Variants in ING4 observed in about 807,000 individuals in gnomAD.
ING4 encodes the protein inhibitor of growth protein 4.
In ING4, 28 loss-of-function variants were observed where a neutral mutation model predicts 33.1. That is an observed-to-expected ratio of 0.85 (90% CI 0.63 to 1.16). The LOEUF (loss-of-function observed/expected upper bound fraction) is 1.16. Ranked by LOEUF, ING4 falls within the 50% of genes most tolerant of loss-of-function variation. ING4 has a pLI of 0.00. For synonymous variants in ING4, 87 were observed against 104.4 expected (o/e 0.83, Z 1.02); for missense variants, 247 against 314.7 (o/e 0.78, Z 1.63).
At chr12:6,660,283 G>C (rs1392034762) in intron 1 of ING4, among the ~76,000 whole-genome samples, 6 of 151,844 alleles carry the variant, frequency 4.0e-5, no homozygotes, top group Non-Finnish European at 1.5e-5. Context: ...AATATGGCCA[G>C]ATCCTGTCTC....
intron 2 of ING4, chr12:6,656,038 T>C (rs1949341442): frequency 4.9e-6 from 2 of 405,696 alleles, no homozygotes; most frequent in Admixed American, 5.8e-5. Flanking sequence ...CAACATATGT[T>C]GCAGTCTAAA....
At chr12:6,655,970 C>G (rs1327018025) in intron 2 of ING4, 22 of 449,868 alleles carry the variant, frequency 4.9e-5, no homozygotes, top group Non-Finnish European at 8.9e-5. Context: ...TTTTTCTTTC[C>G]TCTTTCTTTT....
In ING4 at chr12:6,650,636, TGA is replaced by T; in HGVS notation, c.*557_*558del. The T allele has an allele frequency of 6.4e-6, 1 of 156,118 alleles. No individual in the cohort carries two copies. The highest frequency in any genetic ancestry group is 2.4e-5 in the African/African-American group (1 of 41,604). 9.7% of individuals were successfully genotyped at this position (156,118 alleles called of 1,614,324 possible). Reference sequence around the variant, plus strand: ...TACCTACCCAAGTTCCTTTTACATGTGAGTTATCTGCATTCCACCTTGCCCCC... The same window carrying T: ...TACCTACCCAAGTTCCTTTTACATGTGTTATCTGCATTCCACCTTGCCCCC... On this transcript the variant is annotated 3_prime_UTR_variant, in exon 8 of 8. Transcript: ENST00000341550.
At chr12:6,658,988 C>T (rs1949460242) in intron 1 of ING4, among the ~76,000 whole-genome samples, 1 of 152,196 alleles carries the variant, frequency 6.6e-6, no homozygotes, top group Non-Finnish European at 1.5e-5. Flanking sequence ...CCACCCCATC[C>T]CTCTTGGCCT....
At chr12:6,652,177 G>C in intron 6 of ING4, 94 bp downstream of exon 6, 4 of 1,401,342 alleles carry the variant, frequency 2.9e-6, no homozygotes, top group Non-Finnish European at 3.9e-6. Flanking sequence ...CTTCTATTCT[G>C]AAGTCCCAGT....
intron 1 of ING4, among the ~76,000 whole-genome samples, chr12:6,662,755 GA>G (rs1345125935): frequency 6.6e-6 from 1 of 151,952 alleles, no homozygotes; most frequent in Non-Finnish European, 1.5e-5. Flanking sequence ...CGACTATGGG[GA>G]AAAAAATCTA....
intron 1 of ING4, among the ~76,000 whole-genome samples, chr12:6,661,056 T>A (rs1380980712): frequency 8.6e-5 from 13 of 150,622 alleles, no homozygotes; most frequent in Non-Finnish European, 8.9e-5. Context: ...AGCCTCCCAA[T>A]GTGCTAGGAT....
rs769037284 is a variant in ING4 at position 6,651,164 on chromosome 12, A to G, written c.*31T>C. On this transcript the variant is annotated 3_prime_UTR_variant, in exon 8 of 8. Transcript: ENST00000341550. ...CACTAGCCCAAGTCAGGGGATGTGGAAGAAACTGTGTTGGAATCCAAGGCC... is the reference window on the plus strand; with the variant it reads ...CACTAGCCCAAGTCAGGGGATGTGGGAGAAACTGTGTTGGAATCCAAGGCC... 9 of 1,613,396 alleles carry G rather than the reference A, an allele frequency of 5.6e-6. No individual in the cohort carries two copies. In the South Asian group the frequency reaches 9.9e-5, roughly 18 times the overall value.
chr12:6,662,548 C>T (rs1264063607), intron 1 of ING4, among the ~76,000 whole-genome samples: 1 of 152,128 alleles, frequency 6.6e-6, no homozygotes, highest in Non-Finnish European at 1.5e-5. Context: ...TTACATAAAT[C>T]GCATAAACAC....
In ING4 at chr12:6,653,901, C is replaced by T. The variant is rs142996541; in HGVS notation, c.110-505G>A. On this transcript the variant is annotated intron_variant, in intron 2 of 7. Coordinates refer to ENST00000341550, the MANE Select transcript of ING4 (RefSeq NM_016162.4). ...TTTTTGACACAGGGTCTCACTTTGT[C>T]GCCCAGGCTGGAGTGCAGTGGCACA... 1.8e-4 allele frequency among the ~76,000 whole-genome samples: 27 copies of T among 152,204 alleles called. No homozygotes were observed. The East Asian group carries it at 5.0e-3, about 28-fold the overall frequency.
intron 2 of ING4, among the ~76,000 whole-genome samples, chr12:6,654,098 A>T (rs1463790517): frequency 6.6e-6 from 1 of 151,710 alleles, no homozygotes; most frequent in East Asian, 1.9e-4. Flanking sequence ...AGCCTCCCAA[A>T]GTGCTGGGAT....
In ING4 at chr12:6,652,528, CA is replaced by C; in HGVS notation, c.498-111del. 2.2e-6 allele frequency: 3 copies of C among 1,381,122 alleles called. No homozygotes were observed. In the Admixed American group the frequency reaches 5.6e-5, roughly 26 times the overall value. The allele number at this position is 1,381,122 out of a possible 1,614,324, so 85.6% of individuals were successfully genotyped here. On this transcript the variant is annotated intron_variant, in intron 5 of 7. Transcript: ENST00000341550. ...TAGGGCAAATGATTTGTGGCTTCTC[CA>C]GCAGATACCAAAATGATAAGAAGAG...
rs934708888 is a variant in ING4, at chr12:6,660,996, T to C, written c.37+2069A>G. Among the ~76,000 whole-genome samples the C allele has an allele frequency of 2.0e-5, 3 of 152,266 alleles. No homozygotes were observed. In the South Asian group the frequency reaches 6.2e-4, roughly 32 times the overall value. On this transcript the variant is annotated intron_variant, in intron 1 of 7. Transcript: ENST00000341550. The stretch of plus-strand genomic sequence containing the variant: ...TTAGTAGAGACGGGGTTTCACTATG[T>C]TAGCCAGGCTGGTCTTGGAACTCCT...
In ING4 at chr12:6,652,661, C is replaced by A. The variant is rs761788243; in HGVS notation, c.497+1G>T. 1.2e-6 allele frequency: 2 copies of A among 1,613,158 alleles called. No individual in the cohort carries two copies. The highest frequency in any genetic ancestry group is 1.1e-5 in the South Asian group (1 of 91,052). The stretch of plus-strand genomic sequence containing the variant: ...GGCAAAGGGCTCCCTGAATCACTCA[C>A]GTGCGCACGAGCTTTAACTTCTTCT... On this transcript the variant is annotated splice_donor_variant, in intron 5 of 7. Coordinates refer to ENST00000341550, the MANE Select transcript of ING4 (RefSeq NM_016162.4). LOFTEE classifies it high-confidence loss of function.
At chr12:6,655,881 A>C (rs1403776092) in intron 2 of ING4, 1 of 456,324 alleles carries the variant, frequency 2.2e-6, no homozygotes, top group East Asian at 6.9e-5. Flanking sequence ...AAATTTGCTC[A>C]ATGTTCCAGG....
chr12:6,652,670 G>A lies in ING4; in HGVS notation c.489C>T (p.Leu163=), dbSNP rs1262798675. ...CTCCCTGAATCACTCACGTGCGCAC[G>A]AGCTTTAACTTCTTCTGGGCAGTCT... The part of the protein sequence containing the change: ...APKTAQKKLK[L]VRTSPEYGMP... Residue 163 remains leucine (L), a synonymous_variant, in exon 5 of 8, where the codon CTC becomes CTT. Coordinates refer to ENST00000341550, the MANE Select transcript of ING4 (RefSeq NM_016162.4). The A allele has an allele frequency of 2.2e-5, 36 of 1,613,684 alleles. No homozygotes were observed. The highest frequency in any genetic ancestry group is 5.0e-5 in the Admixed American group (3 of 59,980).
At position 6,663,076 on chromosome 12, in the gene ING4, T is replaced by C; in HGVS notation, c.26A>G (p.His9Arg). The C allele has an allele frequency of 6.2e-7, 1 of 1,614,076 alleles. No individual in the cohort carries two copies. The highest frequency in any genetic ancestry group is 8.5e-7 in the Non-Finnish European group (1 of 1,180,008). Reference protein sequence around the residue: MAAGMYLEHYLDSIENLPF... With the variant: MAAGMYLERYLDSIENLPF... ...CAGCCTGCTCTTACTGTCCAGATAA[T>C]GTTCCAAATACATCCCCGCAGCCAT... Residue 9 changes from histidine to arginine, a missense_variant, in exon 1 of 8, where the codon CAT becomes CGT. Physicochemically the swap from His to Arg is conservative, Grantham distance 29. Transcript: ENST00000341550.
chr12:6,654,489 C>T (rs1014459968), intron 2 of ING4, among the ~76,000 whole-genome samples: 1 of 151,828 alleles, frequency 6.6e-6, no homozygotes, highest in East Asian at 1.9e-4. Context: ...CATGCCACTA[C>T]ACCCTGATAA....
rs1381504777 is a variant in ING4 at position 6,652,759 on chromosome 12, G to T, written c.400C>A (p.Gln134Lys). 6.8e-6 allele frequency: 11 copies of T among 1,614,088 alleles called. No individual in the cohort carries two copies. In the East Asian group the frequency reaches 2.5e-4, roughly 36 times the overall value. Residue 134 changes from glutamine (Q) to lysine (K), a missense_variant, in exon 5 of 8, where the codon CAA becomes AAA. Around this residue, in one of 3 missense-constraint regions of ING4, gnomAD observed 198 missense variants for 221.2 expected, o/e 0.89. Coordinates refer to ENST00000341550, the MANE Select transcript of ING4 (RefSeq NM_016162.4). ...SSSKGKKSRT[Q>K]KEKKAARARS... Reference sequence around the variant, plus strand: ...GCACGAGCAGCTTTCTTCTCCTTTTGAGTCCGGCCTTCTAGGGAAGAGGGA... The same window carrying T: ...GCACGAGCAGCTTTCTTCTCCTTTTTAGTCCGGCCTTCTAGGGAAGAGGGA...
Sources: gnomAD v4.1 joint callset for allele counts (sites outside exome capture counted in the v4.1 genomes callset) on GRCh38, gnomAD v4.1.1 for gene constraint, gnomAD v4.1.1 regional missense constraint, MANE v1.5 for transcripts, NCBI Gene and HGNC (gene_info 2026-07-23, HGNC 2026-07-21) for gene names.